The following EDNRA variants were observed in gnomAD, a reference collection of about 807,000 sequenced individuals.
EDNRA encodes the protein endothelin receptor type A.
Under a neutral mutation model 41.4 loss-of-function variants are expected in EDNRA, and 11 were observed. The observed-to-expected ratio is 0.27, with a 90% CI of 0.17 to 0.44. EDNRA has a LOEUF of 0.44. Ranked by LOEUF, EDNRA falls within the 20% of genes least tolerant of loss-of-function variation. The pLI, the probability that EDNRA is intolerant of heterozygous loss-of-function variation, is 1.00. For missense variants in EDNRA, 294 were observed against 531.0 expected (o/e 0.55, Z 4.39); for synonymous variants, 172 against 183.0 (o/e 0.94, Z 0.49).
At position 147,532,152 on chromosome 4, in the gene EDNRA, A is replaced by T. The variant is rs1345304827; in HGVS notation, c.549-354A>T. Among the ~76,000 whole-genome samples, 307 of 68,652 alleles carry T rather than the reference A, an allele frequency of 4.5e-3. 3 individuals are homozygous for T. Among genetic ancestry groups the T allele is most frequent in the African/African-American group, 0.031 (294 of 9,406 alleles). 45.0% of individuals were successfully genotyped at this position (68,652 alleles called of 152,430 possible). Reference sequence around the variant, plus strand: ...ACGGTGAAACCCCGTCTCTACTAAAAAAAAAAAAAAAAAAATACAAAAAAT... The same window carrying T: ...ACGGTGAAACCCCGTCTCTACTAAATAAAAAAAAAAAAAAATACAAAAAAT... On this transcript the variant is annotated intron_variant, in intron 3 of 7. Transcript: ENST00000651419.
chr4:147,518,102 C>A (rs553596930), intron 2 of EDNRA, among the ~76,000 whole-genome samples: 18 of 152,338 alleles, frequency 1.2e-4, no homozygotes, highest in African/African-American at 4.3e-4. Flanking sequence ...CGTGCCTACA[C>A]TGTTTTAATT....
intron 3 of EDNRA, among the ~76,000 whole-genome samples, chr4:147,529,734 C>T (rs545030050): frequency 6.6e-6 from 1 of 152,240 alleles, no homozygotes; most frequent in South Asian, 2.1e-4. Context: ...TATAATCGCA[C>T]CTCATGAGAA....
At chr4:147,490,655 A>G (rs889114822) in intron 2 of EDNRA, 1 of 152,242 alleles carries the variant, frequency 6.6e-6, no homozygotes, top group Non-Finnish European at 1.5e-5. Context: ...CCTGATTACT[A>G]GATGACAAAA....
At chr4:147,531,855 A>G in intron 3 of EDNRA, 9 of 150,960 alleles carry the variant, frequency 6.0e-5, no homozygotes, top group Non-Finnish European at 1.2e-4. Context: ...AAATACAAAA[A>G]CAAAATTAGC....
At chr4:147,539,668 A>G in intron 5 of EDNRA, 149 bp from the exon 6 acceptor site, 1 of 804,104 alleles carries the variant, frequency 1.2e-6, no homozygotes. Flanking sequence ...AATCTTGAAG[A>G]GGTAGAGGCA....
intron 2 of EDNRA, chr4:147,488,512 A>G (rs899024758): frequency 6.6e-6 from 1 of 150,624 alleles, no homozygotes; most frequent in East Asian, 1.9e-4. Flanking sequence ...CATAGGTAGG[A>G]GTACATTTGT....
At position 147,485,480 on chromosome 4, in the gene EDNRA, A is replaced by C. The variant is rs549483808; in HGVS notation, c.-70-132A>C. 7 of 666,726 alleles carry C rather than the reference A, an allele frequency of 1.0e-5. No homozygotes were observed. The African/African-American group carries it at 1.3e-4, about 12-fold the overall frequency. The allele number at this position is 666,726 out of a possible 1,614,324, so 41.3% of individuals were successfully genotyped here. A position where few individuals can be genotyped will look rare whatever the true frequency, so the allele number is the denominator to read the frequency against. ...TCTGGTTTTGCTCTGTCATAGGGTA[A>C]CCTGATATACATATATCTTATCTAA... On this transcript the variant is annotated intron_variant, in intron 1 of 7. Coordinates refer to ENST00000651419, the MANE Select transcript of EDNRA (RefSeq NM_001957.4).
chr4:147,504,704 A>G (rs920218317), intron 2 of EDNRA, among the ~76,000 whole-genome samples: 1 of 152,140 alleles, frequency 6.6e-6, no homozygotes, highest in African/African-American at 2.4e-5. Flanking sequence ...CTGTAATCCC[A>G]GCACTTTGGG....
intron 2 of EDNRA, chr4:147,491,999 CCTT>C (rs1257751595): frequency 6.6e-6 from 1 of 152,242 alleles, no homozygotes; most frequent in African/African-American, 2.4e-5. Context: ...CTATCTGAGT[CCTT>C]CTACCTGGAA....
chr4:147,524,951 T>C (rs1220716108), intron 3 of EDNRA, among the ~76,000 whole-genome samples: 8 of 152,190 alleles, frequency 5.3e-5, no homozygotes, highest in African/African-American at 1.9e-4. Context: ...AAACAAGGAA[T>C]GAAAAGGGAG....
At chr4:147,496,817 T>A (rs1429364194) in intron 2 of EDNRA, among the ~76,000 whole-genome samples, 3 of 152,254 alleles carry the variant, frequency 2.0e-5, no homozygotes, top group Non-Finnish European at 4.4e-5. Context: ...ATATCGCACT[T>A]TCTCAATTCT....
At chr4:147,527,389 A>G (rs1730590941) in intron 3 of EDNRA, among the ~76,000 whole-genome samples, 1 of 152,252 alleles carries the variant, frequency 6.6e-6, no homozygotes, top group South Asian at 2.1e-4. Context: ...CTGTGTAGCC[A>G]TTAAATTGAT....
At chr4:147,527,760 T>G (rs1384156825) in intron 3 of EDNRA, among the ~76,000 whole-genome samples, 1 of 152,136 alleles carries the variant, frequency 6.6e-6, no homozygotes, top group Non-Finnish European at 1.5e-5. Context: ...TATTTTATAC[T>G]TTTATTTTGG....
intron 1 of EDNRA, among the ~76,000 whole-genome samples, chr4:147,483,252 T>C (rs1348594583): frequency 6.6e-6 from 1 of 152,246 alleles, no homozygotes; most frequent in Non-Finnish European, 1.5e-5. Context: ...GGCCTGCCTC[T>C]AGCCTTGAAA....
intron 2 of EDNRA, among the ~76,000 whole-genome samples, chr4:147,497,171 T>G (rs1021316686): frequency 2.0e-5 from 3 of 146,556 alleles, no homozygotes; most frequent in Admixed American, 2.0e-4. Context: ...TTTTTTTTTT[T>G]TTTTGTTTAG....
intron 2 of EDNRA, chr4:147,493,182 A>G (rs1198116185): frequency 6.6e-6 from 1 of 152,148 alleles, no homozygotes; most frequent in Non-Finnish European, 1.5e-5. Context: ...AGTTTGCTAT[A>G]TTCTAAATTT....
rs1731199113 is a variant in EDNRA, at chr4:147,543,917, A to G, written c.*1299A>G. On this transcript the variant is annotated 3_prime_UTR_variant, in exon 8 of 8. Coordinates refer to ENST00000651419, the MANE Select transcript of EDNRA (RefSeq NM_001957.4). ...ATTGTCACCATTTCAAAGGGCCCACAGTGACTTTTGCTGGGCATTTTCCCA... is the reference window on the plus strand; with the variant it reads ...ATTGTCACCATTTCAAAGGGCCCACGGTGACTTTTGCTGGGCATTTTCCCA... The G allele has an allele frequency of 6.6e-6, 1 of 152,578 alleles. No homozygotes were observed. The highest frequency in any genetic ancestry group is 1.5e-5 in the Non-Finnish European group (1 of 68,040). 9.5% of individuals were successfully genotyped at this position (152,578 alleles called of 1,614,324 possible).
intron 3 of EDNRA, among the ~76,000 whole-genome samples, chr4:147,522,629 G>A (rs1730365156): frequency 6.6e-6 from 1 of 152,138 alleles, no homozygotes; most frequent in Admixed American, 6.6e-5. Flanking sequence ...GGTTGAAAGA[G>A]ATTAACCAAG....
At position 147,491,252 on chromosome 4, in the gene EDNRA, G is replaced by C. The variant is rs185584177; in HGVS notation, c.420+5151G>C. ...ACTCTCAATATGTTGCTCTGGCAGA[G>C]GATCTGAACAATGTGGAAATGAGAG... On this transcript the variant is annotated intron_variant, in intron 2 of 7. Transcript: ENST00000651419. 5 of 152,304 alleles carry C rather than the reference G, an allele frequency of 3.3e-5. No individual in the cohort carries two copies. The East Asian group carries it at 9.6e-4, about 29-fold the overall frequency. 9.4% of individuals were successfully genotyped at this position (152,304 alleles called of 1,614,324 possible). A position where few individuals can be genotyped will look rare whatever the true frequency, so the allele number is the denominator to read the frequency against.
Sources: allele counts gnomAD v4.1 joint callset (sites outside exome capture counted in the v4.1 genomes callset), GRCh38; gene constraint gnomAD v4.1.1; transcripts MANE v1.5; gene names NCBI Gene and HGNC (gene_info 2026-07-23, HGNC 2026-07-21).